KCTD8: variants seen among roughly 807,000 people sequenced by gnomAD.
KCTD8 encodes potassium channel tetramerization domain containing 8.
KCTD8 carries 27 observed loss-of-function variants against 31.5 expected under a neutral mutation model. That is an observed-to-expected ratio of 0.86 (90% CI 0.63 to 1.18). The LOEUF is 1.18. Among genes scored for constraint, KCTD8 ranks in the 50% most tolerant of loss-of-function variants. The pLI is 0.00. For missense variants in KCTD8, 658 were observed against 647.7 expected (o/e 1.02, Z -0.17); for synonymous variants, 290 against 280.0 (o/e 1.04, Z -0.36).
At chr4:44,231,682 A>G (rs115062750) in intron 1 of KCTD8, among the ~76,000 whole-genome samples, 313 of 152,300 alleles carry the variant, frequency 2.1e-3, no homozygotes, top group African/African-American at 7.1e-3. Context: ...GTTTTCATGT[A>G]TCAGAAAGGC....
chr4:44,190,482 T>C (rs1713733542), intron 1 of KCTD8, among the ~76,000 whole-genome samples: 1 of 152,206 alleles, frequency 6.6e-6, no homozygotes, highest in Non-Finnish European at 1.5e-5. Flanking sequence ...GTGCTCTATC[T>C]ATCTTATATG....
Position 44,357,273 on chromosome 4 carries a change from A to T in KCTD8, c.961+90290T>A, listed in dbSNP as rs866414290. Among the ~76,000 whole-genome samples, 3 of 152,316 alleles carry T rather than the reference A, an allele frequency of 2.0e-5. No individual in the cohort carries two copies. The Middle Eastern group carries it at 0.01, about 518-fold the overall frequency. Reference sequence around the variant, plus strand: ...GGTAAAGTGGTGGCAACCTGACAAAAGATTTAGCCTTTGTCTTTCTTTGCG... The same window carrying T: ...GGTAAAGTGGTGGCAACCTGACAAATGATTTAGCCTTTGTCTTTCTTTGCG... On this transcript the variant is annotated intron_variant, in intron 1 of 1. Transcript: ENST00000360029.
At chr4:44,392,117 CAGATCTT>C (rs1720389775) in intron 1 of KCTD8, among the ~76,000 whole-genome samples, 1 of 151,904 alleles carries the variant, frequency 6.6e-6, no homozygotes, top group African/African-American at 2.4e-5. Context: ...TCAAACCTCA[CAGATCTT>C]ATTATTTAGA....
intron 1 of KCTD8, among the ~76,000 whole-genome samples, chr4:44,225,068 A>C (rs932230358): frequency 6.6e-6 from 1 of 152,238 alleles, no homozygotes; most frequent in Non-Finnish European, 1.5e-5. Context: ...CCTTATCAGC[A>C]GGGAGCATGA....
chr4:44,235,578 T>TATATATATATAG (rs1553895183), intron 1 of KCTD8, among the ~76,000 whole-genome samples: 3 of 64,114 alleles, frequency 4.7e-5, no homozygotes, highest in Non-Finnish European at 9.9e-5. Context: ...TATATATATT[T>TATATATATATAG]AGAGAGAGAG....
intron 1 of KCTD8, among the ~76,000 whole-genome samples, chr4:44,275,427 T>C (rs894414521): frequency 8.6e-5 from 13 of 151,782 alleles, no homozygotes; most frequent in Admixed American, 8.6e-4. Context: ...AAAGAGACAA[T>C]GTAATGTACA....
chr4:44,391,147 A>G (rs1720360608), intron 1 of KCTD8, among the ~76,000 whole-genome samples: 1 of 151,942 alleles, frequency 6.6e-6, no homozygotes, highest in African/African-American at 2.4e-5. Context: ...AGGCATAAGA[A>G]TGATACATGG....
chr4:44,409,770 C>A (rs1720905812), intron 1 of KCTD8, among the ~76,000 whole-genome samples: 3 of 122,592 alleles, frequency 2.4e-5, no homozygotes. Context: ...CCCTCATCTT[C>A]AGGTTTCCAG....
intron 1 of KCTD8, among the ~76,000 whole-genome samples, chr4:44,320,247 C>T (rs959680989): frequency 1.2e-4 from 17 of 147,482 alleles, no homozygotes; most frequent in African/African-American, 3.7e-4. Context: ...GCTTCAAATC[C>T]TGGAGCAAAT....
intron 1 of KCTD8, among the ~76,000 whole-genome samples, chr4:44,326,004 T>A (rs1718434433): frequency 6.6e-6 from 1 of 151,978 alleles, no homozygotes; most frequent in Non-Finnish European, 1.5e-5. Context: ...AAGCCAACCG[T>A]GACCAAGGAA....
At chr4:44,196,169 C>T (rs2109337097) in intron 1 of KCTD8, among the ~76,000 whole-genome samples, 1 of 152,292 alleles carries the variant, frequency 6.6e-6, no homozygotes, top group Non-Finnish European at 1.5e-5. Flanking sequence ...GCAATACTAT[C>T]ATACTCTTTC....
chr4:44,286,100 T>G (rs894638415), intron 1 of KCTD8, among the ~76,000 whole-genome samples: 4 of 152,134 alleles, frequency 2.6e-5, no homozygotes, highest in Non-Finnish European at 5.9e-5. Flanking sequence ...CAAAACCTTC[T>G]TAATATTCTA....
intron 1 of KCTD8, among the ~76,000 whole-genome samples, chr4:44,265,143 C>CA (rs1560409900): frequency 2.6e-5 from 4 of 152,142 alleles, no homozygotes; most frequent in African/African-American, 9.7e-5. Context: ...AGGCACCCCC[C>CA]AGTAGGGGCA....
intron 1 of KCTD8, among the ~76,000 whole-genome samples, chr4:44,265,334 T>A (rs1183869574): frequency 6.6e-6 from 1 of 152,192 alleles, no homozygotes; most frequent in Non-Finnish European, 1.5e-5. Context: ...CTGAGGGTAC[T>A]GTATGTTAGA....
intron 1 of KCTD8, among the ~76,000 whole-genome samples, chr4:44,326,758 T>C (rs750764450): frequency 3.3e-5 from 5 of 151,808 alleles, no homozygotes; most frequent in East Asian, 1.9e-4. Flanking sequence ...ACTATGTATA[T>C]CCATGACTAA....
intron 1 of KCTD8, among the ~76,000 whole-genome samples, chr4:44,253,862 A>T (rs1201734273): frequency 6.6e-6 from 1 of 151,936 alleles, no homozygotes; most frequent in Non-Finnish European, 1.5e-5. Flanking sequence ...CTAAAACAGA[A>T]ATTGATCCTG....
intron 1 of KCTD8, among the ~76,000 whole-genome samples, chr4:44,348,490 T>C (rs1719096054): frequency 6.6e-6 from 1 of 152,214 alleles, no homozygotes; most frequent in African/African-American, 2.4e-5. Flanking sequence ...AAGTTAAGTG[T>C]GTATGTACCT....
intron 1 of KCTD8, among the ~76,000 whole-genome samples, chr4:44,405,860 GT>G (rs1192784305): frequency 1.1e-5 from 1 of 90,348 alleles, no homozygotes; most frequent in Non-Finnish European, 2.2e-5. Flanking sequence ...GTACTGTTTT[GT>G]TTATCCTGAA....
chr4:44,426,614 G>A (rs1462683345), intron 1 of KCTD8, among the ~76,000 whole-genome samples: 2 of 151,620 alleles, frequency 1.3e-5, no homozygotes, highest in Non-Finnish European at 2.9e-5. Flanking sequence ...GACAAAAGAT[G>A]TTATTTCTGG....
Sources: gnomAD v4.1 joint callset for allele counts (sites outside exome capture counted in the v4.1 genomes callset) on GRCh38, gnomAD v4.1.1 for gene constraint, MANE v1.5 for transcripts, NCBI Gene and HGNC (gene_info 2026-07-23, HGNC 2026-07-21) for gene names.